Variants in ADAM19 observed in about 807,000 individuals in gnomAD.
ADAM19 encodes disintegrin and metalloproteinase domain-containing protein 19.
In ADAM19, 65 loss-of-function variants were observed where a neutral mutation model predicts 114.7. The observed-to-expected ratio is 0.57, with a 90% CI of 0.46 to 0.70. The LOEUF (loss-of-function observed/expected upper bound fraction) is 0.70, where lower values mean the gene tolerates loss of function less well. Ranked by LOEUF, ADAM19 falls within the 30% of genes least tolerant of loss-of-function variation. The pLI is 0.00. For missense variants in ADAM19, 1,063 were observed against 1,204.7 expected, an observed-to-expected ratio of 0.88 and a Z score of 1.74; for synonymous variants, 466 against 460.5, an observed-to-expected ratio of 1.01 and a Z score of -0.15.
chr5:157,490,487 G>C, intron 18 of ADAM19, 33 bp from the exon 19 acceptor site: 1 of 1,608,776 alleles, frequency 6.2e-7, no homozygotes, highest in South Asian at 1.1e-5. Context: ...GGGAGATTTA[G>C]AAGCTGTCTC....
Position 157,477,842 on chromosome 5 carries a change from G to T in ADAM19, c.*3107C>A. On this transcript the variant is annotated 3_prime_UTR_variant, in exon 23 of 23. Coordinates refer to ENST00000257527, the MANE Select transcript of ADAM19 (RefSeq NM_033274.5). ...AGGGGCTATTGCTTCAGGGGGAAGGGACTATGGCAATACAAAAAAACACTC... is the reference window on the plus strand; with the variant it reads ...AGGGGCTATTGCTTCAGGGGGAAGGTACTATGGCAATACAAAAAAACACTC... 1 of 664,258 alleles carries T rather than the reference G, an allele frequency of 1.5e-6. No homozygotes were observed. The highest frequency in any genetic ancestry group is 2.3e-6 in the Non-Finnish European group (1 of 439,590). The allele number at this position is 664,258 out of a possible 1,614,324, so 41.1% of individuals were successfully genotyped here.
At chr5:157,563,348 CA>C (rs1265826082) in intron 3 of ADAM19, among the ~76,000 whole-genome samples, 1 of 152,208 alleles carries the variant, frequency 6.6e-6, no homozygotes, top group Non-Finnish European at 1.5e-5. Flanking sequence ...GTATTTTAAC[CA>C]CACTCGGGAC....
In ADAM19 at chr5:157,561,993, C is replaced by T. The variant is rs111834035; in HGVS notation, c.251+2380G>A. On this transcript the variant is annotated intron_variant, in intron 3 of 22. Coordinates refer to ENST00000257527, the MANE Select transcript of ADAM19 (RefSeq NM_033274.5). ...AACCAGAGGCTGAGAAATGGCTTGGCCCAGGGCCTAGTTTCCCCCAAATGT... is the reference window on the plus strand; with the variant it reads ...AACCAGAGGCTGAGAAATGGCTTGGTCCAGGGCCTAGTTTCCCCCAAATGT... Among the ~76,000 whole-genome samples, 504 of 151,966 alleles carry T rather than the reference C, an allele frequency of 3.3e-3. 2 individuals carry two copies. The highest frequency in any genetic ancestry group is 4.8e-3 in the Non-Finnish European group (329 of 68,006).
In ADAM19 at chr5:157,498,264, G is replaced by A. The variant is rs962802744; in HGVS notation, c.1399-1175C>T. Among the ~76,000 whole-genome samples the A allele has an allele frequency of 2.8e-4, 43 of 152,328 alleles. 1 individual carries two copies. The highest frequency in any genetic ancestry group is 7.8e-4 in the Admixed American group (12 of 15,300). ...GCTTGCTGAGAGTGGATGCCCAGTC[G>A]CAAGTGTGGGCATGGGTGGTGTATG... On this transcript the variant is annotated intron_variant, in intron 13 of 22. Transcript: ENST00000257527.
At chr5:157,487,857 C>G (rs935314367) in intron 21 of ADAM19, among the ~76,000 whole-genome samples, 1 of 152,178 alleles carries the variant, frequency 6.6e-6, no homozygotes, top group African/African-American at 2.4e-5. Context: ...GGATAGACTT[C>G]CTGGGAGAAG....
At chr5:157,486,887 T>C (rs1488721519) in intron 21 of ADAM19, among the ~76,000 whole-genome samples, 2 of 151,956 alleles carry the variant, frequency 1.3e-5, no homozygotes, top group Admixed American at 6.5e-5. Context: ...GTGATTAGGA[T>C]AGAATGAGGC....
chr5:157,539,386 T>C (rs1183213890), intron 3 of ADAM19, among the ~76,000 whole-genome samples: 2 of 152,196 alleles, frequency 1.3e-5, no homozygotes, highest in East Asian at 3.9e-4. Context: ...TCTGCAGGGA[T>C]AACCCAGGTT....
intron 11 of ADAM19, among the ~76,000 whole-genome samples, chr5:157,504,844 G>GC (rs200056961): frequency 4.8e-4 from 26 of 53,634 alleles, no homozygotes; most frequent in African/African-American, 3.0e-3. Context: ...CTCATGTCCA[G>GC]CGCGGTGGCT....
chr5:157,482,919 C>T (rs13165616), intron 21 of ADAM19, among the ~76,000 whole-genome samples: 14,877 of 152,134 alleles, frequency 0.098, 872 homozygotes, highest in Middle Eastern at 0.16. Context: ...ACATGGATGA[C>T]GCTGGAAACT....
At chr5:157,535,589 T>C (rs1756740040) in intron 4 of ADAM19, among the ~76,000 whole-genome samples, 1 of 152,192 alleles carries the variant, frequency 6.6e-6, no homozygotes, top group South Asian at 2.1e-4. Flanking sequence ...TGTGCTTCAG[T>C]CAACAAGACC....
chr5:157,552,039 T>C (rs964059444), intron 3 of ADAM19, among the ~76,000 whole-genome samples: 4 of 152,106 alleles, frequency 2.6e-5, no homozygotes, highest in African/African-American at 9.7e-5. Context: ...TAGTCCCAGA[T>C]ACTCAAGAGA....
intron 3 of ADAM19, among the ~76,000 whole-genome samples, chr5:157,553,449 T>C (rs938327027): frequency 1.3e-5 from 2 of 152,236 alleles, no homozygotes; most frequent in East Asian, 1.9e-4. Flanking sequence ...CATGGAGACA[T>C]ATTTATAATA....
At chr5:157,501,270 A>G (rs1367278629) in intron 12 of ADAM19, among the ~76,000 whole-genome samples, 1 of 152,030 alleles carries the variant, frequency 6.6e-6, no homozygotes, top group East Asian at 1.9e-4. Flanking sequence ...TGCGTGCCTC[A>G]CTAACTCCTA....
At chr5:157,524,441 T>C (rs1250491460) in intron 5 of ADAM19, among the ~76,000 whole-genome samples, 1 of 152,214 alleles carries the variant, frequency 6.6e-6, no homozygotes, top group African/African-American at 2.4e-5. Flanking sequence ...GCCTAACCCC[T>C]GCATAACTGA....
intron 5 of ADAM19, among the ~76,000 whole-genome samples, chr5:157,527,336 G>A (rs1314635145): frequency 3.9e-5 from 6 of 152,004 alleles, no homozygotes; most frequent in Non-Finnish European, 7.4e-5. Flanking sequence ...TCAGCCTCCC[G>A]AATAGCTGGG....
intron 5 of ADAM19, among the ~76,000 whole-genome samples, chr5:157,528,240 C>G (rs1756526683): frequency 6.6e-6 from 1 of 152,168 alleles, no homozygotes; most frequent in African/African-American, 2.4e-5. Flanking sequence ...AGTGAGAAGG[C>G]TGGGAAAGTA....
intron 3 of ADAM19, among the ~76,000 whole-genome samples, chr5:157,539,561 T>C (rs950862491): frequency 6.6e-6 from 1 of 152,206 alleles, no homozygotes; most frequent in African/African-American, 2.4e-5. Context: ...CTGTACTATG[T>C]CAAGGCCTTC....
In ADAM19 at chr5:157,509,414, G is replaced by A. The variant is rs1302953599; in HGVS notation, c.792C>T (p.Thr264=). The A allele has an allele frequency of 6.2e-7, 1 of 1,612,788 alleles. No homozygotes were observed. The highest frequency in any genetic ancestry group is 1.3e-5 in the African/African-American group (1 of 74,912). ...CTGAAACTTCACACATGTTCCCGTGGGTCCACACTTCCAAGCCCACGAGAG... is the reference window on the plus strand; with the variant it reads ...CTGAAACTTCACACATGTTCCCGTGAGTCCACACTTCCAAGCCCACGAGAG... ...RIALVGLEVW[T]HGNMCEVSEN... Residue 264 remains threonine (T), a synonymous_variant, in exon 9 of 23, where the codon ACC becomes ACT. Coordinates refer to ENST00000257527, the MANE Select transcript of ADAM19 (RefSeq NM_033274.5).
chr5:157,493,265 A>G (rs1262350782), intron 15 of ADAM19, 88 bp from the exon 16 acceptor site: 5 of 1,451,702 alleles, frequency 3.4e-6, no homozygotes, highest in Non-Finnish European at 1.9e-6. Context: ...TTTCTTGATC[A>G]AGACAGCAGG....
Sources: gnomAD v4.1 joint callset for allele counts (sites outside exome capture counted in the v4.1 genomes callset) on GRCh38, gnomAD v4.1.1 for gene constraint, MANE v1.5 for transcripts, NCBI Gene and HGNC (gene_info 2026-07-23, HGNC 2026-07-21) for gene names.